The following SLC24A2 variants were observed in gnomAD, a reference collection of about 807,000 sequenced individuals.
The protein encoded by SLC24A2 is solute carrier family 24 member 2.
In SLC24A2, 36 loss-of-function variants were observed where a neutral mutation model predicts 62.0. The observed-to-expected ratio is 0.58, with a 90% CI of 0.44 to 0.77. The LOEUF is 0.77. Among genes scored for constraint, SLC24A2 ranks in the 30% least tolerant of loss-of-function variants. The pLI is 0.00. For missense variants in SLC24A2, 846 were observed against 817.9 expected, an observed-to-expected ratio of 1.03 and a Z score of -0.42; for synonymous variants, 358 against 294.0, an observed-to-expected ratio of 1.22 and a Z score of -2.23.
the SLC24A2 span, among the ~76,000 whole-genome samples, chr9:20,127,716 C>T: frequency 5.9e-5 from 9 of 152,134 alleles, no homozygotes; most frequent in African/African-American, 9.6e-5. Flanking sequence ...AAGAGACAGA[C>T]GGGAAGGTTA....
At chr9:20,228,207 C>T in the SLC24A2 span, among the ~76,000 whole-genome samples, 3 of 152,054 alleles carry the variant, frequency 2.0e-5, no homozygotes, top group African/African-American at 7.2e-5. Flanking sequence ...TTTGGAAATG[C>T]TTTGACCTAA....
At chr9:19,642,075 G>A (rs1455317074) in intron 2 of SLC24A2, among the ~76,000 whole-genome samples, 1 of 152,126 alleles carries the variant, frequency 6.6e-6, no homozygotes. Flanking sequence ...GTGAGTAGGA[G>A]TGTTAAATTC....
At chr9:19,623,782 GT>G (rs572789615) in intron 2 of SLC24A2, among the ~76,000 whole-genome samples, 25 of 152,076 alleles carry the variant, frequency 1.6e-4, no homozygotes, top group East Asian at 7.7e-4. Context: ...ATACCAATGT[GT>G]TTTTTTCCCC....
intron 2 of SLC24A2, among the ~76,000 whole-genome samples, chr9:19,713,664 T>C (rs111328621): frequency 2.2e-3 from 331 of 152,250 alleles, no homozygotes; most frequent in African/African-American, 7.7e-3. Flanking sequence ...AAATTGAAAA[T>C]GTGTTTCCAA....
At chr9:19,738,528 G>C (rs1821576578) in intron 2 of SLC24A2, among the ~76,000 whole-genome samples, 1 of 151,868 alleles carries the variant, frequency 6.6e-6, no homozygotes, top group African/African-American at 2.4e-5. Flanking sequence ...AGAAATGAAA[G>C]GATTAGAAAG....
chr9:19,969,803 C>T, the SLC24A2 span, among the ~76,000 whole-genome samples: 1 of 152,204 alleles, frequency 6.6e-6, no homozygotes, highest in Non-Finnish European at 1.5e-5. Context: ...TAACTCAAGG[C>T]TTTTTGACCT....
At chr9:19,542,686 G>T (rs992395704) in intron 8 of SLC24A2, among the ~76,000 whole-genome samples, 2 of 152,204 alleles carry the variant, frequency 1.3e-5, no homozygotes, top group East Asian at 3.8e-4. Flanking sequence ...TGCATCTGTT[G>T]AAATAATCAC....
At chr9:20,071,295 C>T in the SLC24A2 span, among the ~76,000 whole-genome samples, 1 of 152,114 alleles carries the variant, frequency 6.6e-6, no homozygotes, top group African/African-American at 2.4e-5. Flanking sequence ...CTTGAGCAGA[C>T]AGAACTGAGA....
At chr9:20,045,251 C>T in the SLC24A2 span, among the ~76,000 whole-genome samples, 6 of 152,142 alleles carry the variant, frequency 3.9e-5, no homozygotes, top group East Asian at 7.7e-4. Flanking sequence ...ACCAAATGAT[C>T]GCATTAATAA....
intron 2 of SLC24A2, among the ~76,000 whole-genome samples, chr9:19,645,027 GA>G (rs1316334346): frequency 6.6e-6 from 1 of 151,998 alleles, no homozygotes; most frequent in Non-Finnish European, 1.5e-5. Flanking sequence ...TTAAAGGTGA[GA>G]AAAAAACACT....
chr9:19,689,513 G>A (rs779768317), intron 2 of SLC24A2, among the ~76,000 whole-genome samples: 8 of 152,116 alleles, frequency 5.3e-5, no homozygotes, highest in South Asian at 2.1e-4. Flanking sequence ...TACAGAGTAC[G>A]GGAGTGTGAT....
At chr9:20,023,862 AC>A in the SLC24A2 span, among the ~76,000 whole-genome samples, 1 of 152,158 alleles carries the variant, frequency 6.6e-6, no homozygotes, top group African/African-American at 2.4e-5. Flanking sequence ...AGGATTGTCT[AC>A]CACTCTACTT....
the SLC24A2 span, among the ~76,000 whole-genome samples, chr9:19,917,354 GT>G: frequency 1.4e-3 from 190 of 140,338 alleles, 1 homozygote; most frequent in Admixed American, 2.7e-3. Flanking sequence ...TTTTTGTGTG[GT>G]TTTTTTTTTT....
chr9:19,694,507 C>G (rs1466219885), intron 2 of SLC24A2, among the ~76,000 whole-genome samples: 2 of 152,038 alleles, frequency 1.3e-5, no homozygotes, highest in African/African-American at 4.8e-5. Context: ...TACAGGGAAA[C>G]TAGCAGGCGA....
At chr9:19,646,984 A>C (rs1391458065) in intron 2 of SLC24A2, among the ~76,000 whole-genome samples, 1 of 151,174 alleles carries the variant, frequency 6.6e-6, no homozygotes, top group Non-Finnish European at 1.5e-5. Flanking sequence ...TTTAACTCTC[A>C]CCATTTTCAT....
At chr9:19,975,203 G>A in the SLC24A2 span, among the ~76,000 whole-genome samples, 1 of 152,150 alleles carries the variant, frequency 6.6e-6, no homozygotes, top group Non-Finnish European at 1.5e-5. Flanking sequence ...TAAGAGCCTA[G>A]CTTAGCTTTT....
At chr9:19,813,811 G>A in the SLC24A2 span, among the ~76,000 whole-genome samples, 1 of 152,124 alleles carries the variant, frequency 6.6e-6, no homozygotes, top group Non-Finnish European at 1.5e-5. Context: ...TAAAGAGCTA[G>A]CTAGTCCTTT....
At chr9:20,078,440 G>T in the SLC24A2 span, among the ~76,000 whole-genome samples, 1 of 151,576 alleles carries the variant, frequency 6.6e-6, no homozygotes, top group South Asian at 2.1e-4. Flanking sequence ...TGGGGCTTTT[G>T]ACCATCTCCC....
At chr9:20,107,883 G>C in the SLC24A2 span, among the ~76,000 whole-genome samples, 7 of 152,130 alleles carry the variant, frequency 4.6e-5, no homozygotes, top group African/African-American at 9.7e-5. Flanking sequence ...CACAGCAAAA[G>C]AAACTACCAT....
Sources: allele counts gnomAD v4.1 joint callset (sites outside exome capture counted in the v4.1 genomes callset), GRCh38; gene constraint gnomAD v4.1.1; transcripts MANE v1.5; gene names NCBI Gene and HGNC (gene_info 2026-07-23, HGNC 2026-07-21).